The following SLC17A1 variants were observed in gnomAD, a reference collection of about 807,000 sequenced individuals.
The protein encoded by SLC17A1 is solute carrier family 17 member 1, also known as sodium-dependent phosphate transport protein 1.
In SLC17A1, 51 loss-of-function variants were observed where a neutral mutation model predicts 53.5. The observed-to-expected ratio is 0.95, with a 90% CI of 0.76 to 1.20. SLC17A1 has a LOEUF of 1.20. Ranked by LOEUF, SLC17A1 falls within the 50% of genes most tolerant of loss-of-function variation. The probability of loss-of-function intolerance (pLI) is 0.00; values close to 1 mark genes in which losing one functional copy is unlikely to be tolerated. For synonymous variants in SLC17A1, 179 were observed against 198.8 expected (o/e 0.90, Z 0.84); for missense variants, 538 against 568.2 (o/e 0.95, Z 0.54).
At chr6:25,761,848 C>T in the SLC17A1 span, 1 of 777,638 alleles carries the variant, frequency 1.3e-6, no homozygotes, top group Non-Finnish European at 2.0e-6. Context: ...GCAACATTTG[C>T]TCCTAGTTCT....
the SLC17A1 span, chr6:25,754,791 C>T: frequency 6.6e-6 from 1 of 152,114 alleles, no homozygotes. Context: ...GGTTAGTTAG[C>T]TTTCAAACTT....
the SLC17A1 span, among the ~76,000 whole-genome samples, chr6:25,739,763 T>A: frequency 6.6e-6 from 1 of 152,192 alleles, no homozygotes; most frequent in African/African-American, 2.4e-5. Context: ...AATAACTTAA[T>A]GGTTTCCAGG....
intron 12 of SLC17A1, among the ~76,000 whole-genome samples, chr6:25,785,138 ACAATT>A (rs1763353889): frequency 6.6e-6 from 1 of 152,186 alleles, no homozygotes; most frequent in South Asian, 2.1e-4. Context: ...AACTAAGAAA[ACAATT>A]CAATTTCAAG....
At chr6:25,765,395 G>A in the SLC17A1 span, among the ~76,000 whole-genome samples, 23 of 152,296 alleles carry the variant, frequency 1.5e-4, no homozygotes, top group African/African-American at 5.5e-4. Context: ...AGGCACAGAG[G>A]GATGAAGTAA....
At chr6:25,798,998 A>G in intron 11 of SLC17A1, 79 bp from the exon 12 acceptor site, 1 of 1,356,680 alleles carries the variant, frequency 7.4e-7, no homozygotes, top group Non-Finnish European at 9.9e-7. Flanking sequence ...TGTAATATTA[A>G]AAATGTAGAC....
chr6:25,768,357 C>T, the SLC17A1 span: 455 of 985,408 alleles, frequency 4.6e-4, no homozygotes, highest in African/African-American at 7.2e-3. Flanking sequence ...GAATTCTTCC[C>T]GCTGTTGTCA....
chr6:25,752,385 A>G, the SLC17A1 span, among the ~76,000 whole-genome samples: 1 of 152,188 alleles, frequency 6.6e-6, no homozygotes, highest in Admixed American at 6.5e-5. Context: ...TATGTCTAGG[A>G]GACTTATCAT....
chr6:25,732,156 C>T, the SLC17A1 span: 21 of 450,766 alleles, frequency 4.7e-5, no homozygotes, highest in East Asian at 2.0e-4. Context: ...GAAGCAAGCT[C>T]CAGCATGTTT....
At chr6:25,727,549 A>C in the SLC17A1 span, among the ~76,000 whole-genome samples, 2 of 149,378 alleles carry the variant, frequency 1.3e-5, no homozygotes, top group African/African-American at 2.5e-5. Context: ...CCACCACTAC[A>C]CCCGGCTAAT....
downstream of SLC17A1, among the ~76,000 whole-genome samples, chr6:25,781,937 G>A (rs1763277138): frequency 6.6e-6 from 1 of 152,222 alleles, no homozygotes; most frequent in Non-Finnish European, 1.5e-5. Context: ...CGAAGAAGGA[G>A]TTGAAAACAA....
At chr6:25,741,423 A>G in the SLC17A1 span, among the ~76,000 whole-genome samples, 1 of 151,180 alleles carries the variant, frequency 6.6e-6, no homozygotes, top group Non-Finnish European at 1.5e-5. Flanking sequence ...TCCAAAAAAA[A>G]AAAAAAAAAA....
At chr6:25,750,268 A>G in the SLC17A1 span, among the ~76,000 whole-genome samples, 2 of 152,230 alleles carry the variant, frequency 1.3e-5, no homozygotes, top group African/African-American at 4.8e-5. Flanking sequence ...TAATTTCCCT[A>G]TTGAGCTTAT....
chr6:25,742,843 C>T, the SLC17A1 span, among the ~76,000 whole-genome samples: 69 of 152,230 alleles, frequency 4.5e-4, no homozygotes, highest in Middle Eastern at 3.4e-3. Flanking sequence ...ACATTTTGTG[C>T]GGAATTTAGT....
intron 11 of SLC17A1, among the ~76,000 whole-genome samples, chr6:25,800,643 G>T (rs1449672655): frequency 2.0e-5 from 3 of 152,028 alleles, no homozygotes; most frequent in Non-Finnish European, 2.9e-5. Flanking sequence ...AATAACAGAA[G>T]TCCACTTCTG....
chr6:25,726,641 A>T, the SLC17A1 span: 1 of 1,313,150 alleles, frequency 7.6e-7, no homozygotes, highest in Non-Finnish European at 1.1e-6. Flanking sequence ...ATGGCCGTCT[A>T]CCCAATCAGA....
chr6:25,831,270 G>A (rs1407314434), intron 1 of SLC17A1, among the ~76,000 whole-genome samples: 1 of 152,114 alleles, frequency 6.6e-6, no homozygotes. Flanking sequence ...TCAGAATTCA[G>A]CACCAATATG....
intron 12 of SLC17A1, among the ~76,000 whole-genome samples, chr6:25,785,103 C>T (rs1351406539): frequency 2.0e-5 from 3 of 152,142 alleles, no homozygotes; most frequent in African/African-American, 4.8e-5. Context: ...TTTCTATACA[C>T]TTGCAATGAG....
chr6:25,786,914 A>G (rs1763395161), intron 12 of SLC17A1, among the ~76,000 whole-genome samples: 1 of 152,216 alleles, frequency 6.6e-6, no homozygotes. Flanking sequence ...GGAGTCTTGT[A>G]TGTGTATGAC....
At chr6:25,777,131 G>A in the SLC17A1 span, 13,676 of 738,306 alleles carry the variant, frequency 0.019, 215 homozygotes, top group Middle Eastern at 0.064. Context: ...AAAGCTGGTG[G>A]ACCATTGTGA....
Sources: allele counts gnomAD v4.1 joint callset (sites outside exome capture counted in the v4.1 genomes callset), GRCh38; gene constraint gnomAD v4.1.1; transcripts MANE v1.5; gene names NCBI Gene and HGNC (gene_info 2026-07-23, HGNC 2026-07-21).